Variants in CDH12 observed in about 807,000 individuals in gnomAD.
CDH12 encodes the protein cadherin-12.
In CDH12, 41 loss-of-function variants were observed where a neutral mutation model predicts 74.1. That is an observed-to-expected ratio of 0.55 (90% CI 0.43 to 0.72). CDH12 has a LOEUF of 0.72. Ranked by LOEUF, CDH12 falls within the 30% of genes least tolerant of loss-of-function variation. CDH12 has a pLI of 0.00. For synonymous variants in CDH12, 399 were observed against 355.0 expected, an observed-to-expected ratio of 1.12 and a Z score of -1.39; for missense variants, 945 against 977.2, an observed-to-expected ratio of 0.97 and a Z score of 0.44.
intron 1 of CDH12, among the ~76,000 whole-genome samples, chr5:22,689,141 A>G (rs980020030): frequency 6.6e-6 from 1 of 152,166 alleles, no homozygotes; most frequent in Admixed American, 6.5e-5. Flanking sequence ...TATGAAGAAT[A>G]CCTATCTTCT....
At position 22,329,750 on chromosome 5, in the gene CDH12, G is replaced by A. The variant is rs868124599; in HGVS notation, c.-333+75507C>T. On this transcript the variant is annotated intron_variant, in intron 3 of 14. Transcript: ENST00000382254. ...AACTCAGCAGTGCCCTATCACAACA[G>A]AATAAATCCATGTTGTGCTCAGCCA... 1.1e-4 allele frequency among the ~76,000 whole-genome samples: 17 copies of A among 152,192 alleles called. No homozygotes were observed. The South Asian group carries it at 1.9e-3, about 17-fold the overall frequency.
At chr5:22,641,249 T>G (rs1284987206) in intron 1 of CDH12, among the ~76,000 whole-genome samples, 3 of 152,096 alleles carry the variant, frequency 2.0e-5, no homozygotes, top group Non-Finnish European at 4.4e-5. Flanking sequence ...TGGTGTGCCT[T>G]TCAGTCCAAG....
chr5:22,842,455 A>G (rs1201853848), intron 1 of CDH12, among the ~76,000 whole-genome samples: 1 of 152,132 alleles, frequency 6.6e-6, no homozygotes, highest in Non-Finnish European at 1.5e-5. Flanking sequence ...GAGTGTATGC[A>G]AGAGAGTTTT....
intron 1 of CDH12, among the ~76,000 whole-genome samples, chr5:22,532,200 C>G (rs1737614245): frequency 6.6e-6 from 1 of 150,850 alleles, no homozygotes; most frequent in Non-Finnish European, 1.5e-5. Context: ...TACACATGGA[C>G]CTTCTGTTAC....
At chr5:22,641,146 G>T (rs1480229164) in intron 1 of CDH12, among the ~76,000 whole-genome samples, 1 of 152,136 alleles carries the variant, frequency 6.6e-6, no homozygotes, top group African/African-American at 2.4e-5. Context: ...AGGCTGAGAA[G>T]TCCTACAAAA....
At chr5:21,986,853 CTA>C (rs1194335793) in intron 5 of CDH12, among the ~76,000 whole-genome samples, 2 of 152,000 alleles carry the variant, frequency 1.3e-5, no homozygotes, top group African/African-American at 2.4e-5. Context: ...ATATTATATA[CTA>C]TGTTAAATGC....
chr5:22,609,897 C>A (rs1248679784), intron 1 of CDH12, among the ~76,000 whole-genome samples: 1 of 152,166 alleles, frequency 6.6e-6, no homozygotes, highest in African/African-American at 2.4e-5. Context: ...AAAGCCCATG[C>A]TAGTGTATAA....
intron 6 of CDH12, among the ~76,000 whole-genome samples, chr5:21,891,369 CT>C (rs958120822): frequency 1.3e-5 from 2 of 152,042 alleles, no homozygotes; most frequent in Non-Finnish European, 2.9e-5. Context: ...AACATTGCAT[CT>C]TTCATAGGCT....
intron 1 of CDH12, among the ~76,000 whole-genome samples, chr5:22,760,722 A>C (rs1173910120): frequency 6.6e-6 from 1 of 151,776 alleles, no homozygotes; most frequent in Non-Finnish European, 1.5e-5. Context: ...AGGTAAATTA[A>C]AAAATCAATA....
intron 1 of CDH12, among the ~76,000 whole-genome samples, chr5:22,544,697 G>A (rs1738241926): frequency 6.6e-6 from 1 of 151,994 alleles, no homozygotes; most frequent in South Asian, 2.1e-4. Context: ...CACGCCTGTA[G>A]TATCAGCTAC....
intron 3 of CDH12, among the ~76,000 whole-genome samples, chr5:22,266,337 T>C (rs1736113128): frequency 6.6e-6 from 1 of 152,068 alleles, no homozygotes; most frequent in African/African-American, 2.4e-5. Context: ...CCTCCCAAAG[T>C]ACTGGGATTA....
At chr5:22,216,633 T>G (rs1051429657) in intron 3 of CDH12, among the ~76,000 whole-genome samples, 3 of 151,940 alleles carry the variant, frequency 2.0e-5, no homozygotes, top group African/African-American at 7.2e-5. Flanking sequence ...GCTAACAGAT[T>G]CTCATGTATT....
chr5:22,056,656 T>C (rs1740764080), intron 5 of CDH12, among the ~76,000 whole-genome samples: 1 of 152,202 alleles, frequency 6.6e-6, no homozygotes. Flanking sequence ...CTAGATGCCA[T>C]TCAGAAATAC....
chr5:21,880,612 CTTCCTTCTTTCTTTCTTTCT>C (rs1157792063), intron 6 of CDH12, among the ~76,000 whole-genome samples: 51 of 69,902 alleles, frequency 7.3e-4, no homozygotes, highest in African/African-American at 2.0e-3. Flanking sequence ...TCCTTCCTTC[CTTCCTTCTTTCTTTCTTTCT>C]TTCTTTCTTT....
chr5:22,592,520 TTC>T (rs1178011505), intron 1 of CDH12, among the ~76,000 whole-genome samples: 1 of 152,174 alleles, frequency 6.6e-6, no homozygotes, highest in Non-Finnish European at 1.5e-5. Flanking sequence ...TTCCTTCGTT[TTC>T]TCTTTCTCCT....
intron 1 of CDH12, among the ~76,000 whole-genome samples, chr5:22,668,776 T>A (rs1215761747): frequency 6.6e-6 from 1 of 152,186 alleles, no homozygotes; most frequent in African/African-American, 2.4e-5. Context: ...GACATTCAAA[T>A]CATAGCAGCT....
intron 1 of CDH12, among the ~76,000 whole-genome samples, chr5:22,736,761 G>A (rs1048442019): frequency 6.6e-6 from 1 of 151,626 alleles, no homozygotes; most frequent in Non-Finnish European, 1.5e-5. Flanking sequence ...AGAAGTCATA[G>A]TTGTCATAGC....
intron 1 of CDH12, among the ~76,000 whole-genome samples, chr5:22,576,251 C>T (rs895181099): frequency 3.3e-5 from 5 of 152,162 alleles, no homozygotes; most frequent in African/African-American, 1.2e-4. Context: ...GAAGTTCTCA[C>T]TACCTGGCTT....
At chr5:22,386,184 G>A (rs975365512) in intron 3 of CDH12, among the ~76,000 whole-genome samples, 26 of 152,148 alleles carry the variant, frequency 1.7e-4, no homozygotes, top group Admixed American at 3.9e-4. Context: ...GAGCCACTGC[G>A]CCCGGCCGGC....
Sources: allele counts gnomAD v4.1 joint callset (sites outside exome capture counted in the v4.1 genomes callset), GRCh38; gene constraint gnomAD v4.1.1; transcripts MANE v1.5; gene names NCBI Gene and HGNC (gene_info 2026-07-23, HGNC 2026-07-21).